Variants in ZNF780B observed in about 807,000 individuals in gnomAD.
The protein encoded by ZNF780B is zinc finger protein 780B, also known as zinc finger protein 779.
ZNF780B carries 52 observed loss-of-function variants against 74.1 expected under a neutral mutation model. That is an observed-to-expected ratio of 0.70 (90% CI 0.56 to 0.88). The LOEUF is 0.88. Ranked by LOEUF, ZNF780B falls within the 40% of genes least tolerant of loss-of-function variation. ZNF780B has a pLI of 0.00. For synonymous variants in ZNF780B, 315 were observed against 324.3 expected (o/e 0.97, Z 0.31); for missense variants, 953 against 1,007.6 (o/e 0.95, Z 0.73).
chr19:40,039,578 T>G (rs1398808268), intron 4 of ZNF780B, among the ~76,000 whole-genome samples: 1 of 151,564 alleles, frequency 6.6e-6, no homozygotes, highest in African/African-American at 2.4e-5. Flanking sequence ...TGTATCCTCT[T>G]TTATTTCCTT....
At chr19:40,037,894 TTATATA>T (rs1317541559) in intron 4 of ZNF780B, among the ~76,000 whole-genome samples, 1 of 149,534 alleles carries the variant, frequency 6.7e-6, no homozygotes, top group Non-Finnish European at 1.5e-5. Context: ...TTTTTTCTGT[TTATATA>T]TATATATTTT....
chr19:40,053,034 A>T (rs1297769446), intron 1 of ZNF780B, among the ~76,000 whole-genome samples: 1 of 151,870 alleles, frequency 6.6e-6, no homozygotes, highest in Non-Finnish European at 1.5e-5. Context: ...CTGGGCAATA[A>T]TTTTTTTTTC....
chr19:40,050,325 T>C lies in ZNF780B; in HGVS notation c.8A>G (p.His3Arg). The C allele has an allele frequency of 1.3e-6, 2 of 1,596,428 alleles. No homozygotes were observed. The highest frequency in any genetic ancestry group is 1.7e-6 in the Non-Finnish European group (2 of 1,177,824). MVHGSVTFRDVAI... is the reference protein window; with the variant it reads MVRGSVTFRDVAI... ...AAGAAGACAGAAACACCAACTTACATGGACCATGTTTCTAGAATTACAAAA... is the reference window on the plus strand; with the variant it reads ...AAGAAGACAGAAACACCAACTTACACGGACCATGTTTCTAGAATTACAAAA... Residue 3 changes from histidine to arginine, a missense_variant and splice_region_variant, in exon 2 of 5, where the codon CAT becomes CGT. By Grantham distance (29) the His-to-Arg change is conservative. Transcript: ENST00000434248.
At position 40,035,562 on chromosome 19, in the gene ZNF780B, T is replaced by A; in HGVS notation, c.1297A>T (p.Ile433Phe). Reference sequence around the variant, plus strand: ...TTGGAATGAATTTTTTGATGCTGAATAAGATTTGCACCACGATTAAAGCCT... The same window carrying A: ...TTGGAATGAATTTTTTGATGCTGAAAAAGATTTGCACCACGATTAAAGCCT... ...GKGFNRGANL[I>F]QHQKIHSNEK... Residue 433 changes from isoleucine to phenylalanine, a missense_variant, in exon 5 of 5, where the codon ATT becomes TTT. Coordinates refer to ENST00000434248, the MANE Select transcript of ZNF780B (RefSeq NM_001005851.3). 6.2e-7 allele frequency: 1 copy of A among 1,611,604 alleles called. No homozygotes were observed. Among genetic ancestry groups the A allele is most frequent in the South Asian group, 1.1e-5 (1 of 90,912 alleles).
chr19:40,041,409 A>C (rs1473463161), intron 4 of ZNF780B, among the ~76,000 whole-genome samples: 1 of 152,168 alleles, frequency 6.6e-6, no homozygotes, highest in Admixed American at 6.6e-5. Context: ...AGTTCTGTAG[A>C]TATCTATTAG....
At chr19:40,050,404 C>G (rs920726558) in intron 1 of ZNF780B, 27 bp from the exon 2 acceptor site, 64 of 1,551,930 alleles carry the variant, frequency 4.1e-5, no homozygotes, top group Non-Finnish European at 5.5e-5. Context: ...ACAAAAAGGC[C>G]CTAAGTCAAG....
chr19:40,040,001 G>T (rs1184505243), intron 4 of ZNF780B, among the ~76,000 whole-genome samples: 1 of 151,990 alleles, frequency 6.6e-6, no homozygotes, highest in African/African-American at 2.4e-5. Context: ...TTTTCAAAGG[G>T]AATGCTTCCA....
At chr19:40,042,650 T>C (rs943892064) in intron 4 of ZNF780B, among the ~76,000 whole-genome samples, 1 of 152,192 alleles carries the variant, frequency 6.6e-6, no homozygotes, top group Non-Finnish European at 1.5e-5. Context: ...ATTTCATTCA[T>C]TTTGTCTTCC....
intron 4 of ZNF780B, among the ~76,000 whole-genome samples, chr19:40,039,386 G>C (rs1362022556): frequency 1.3e-5 from 2 of 152,150 alleles, no homozygotes; most frequent in African/African-American, 4.8e-5. Context: ...GATTGACTTG[G>C]TGATGCGGGC....
intron 1 of ZNF780B, chr19:40,055,416 CCTTGA>C (rs1285053963): frequency 4.6e-5 from 7 of 152,078 alleles, no homozygotes; most frequent in Admixed American, 1.3e-4. Flanking sequence ...ACAAACTCAC[CCTTGA>C]CTTAAGTGTG....
chr19:40,028,732 T>C lies in ZNF780B; in HGVS notation c.*5625A>G, dbSNP rs923013015. 1 of 152,166 alleles carries C rather than the reference T, an allele frequency of 6.6e-6. No individual in the cohort carries two copies. Among genetic ancestry groups the C allele is most frequent in the Admixed American group, 6.5e-5 (1 of 15,288 alleles). 9.4% of individuals were successfully genotyped at this position (152,166 alleles called of 1,614,324 possible). ...CTGTGGCCTTGCTCTAAACCAATCA[T>C]GAATTTTACCATTCTGGCATCAGAA... is the stretch of plus-strand genomic sequence containing the variant. On this transcript the variant is annotated 3_prime_UTR_variant, in exon 5 of 5. Coordinates refer to ENST00000434248, the MANE Select transcript of ZNF780B (RefSeq NM_001005851.3).
chr19:40,046,935 C>T (rs1024011563), intron 4 of ZNF780B, among the ~76,000 whole-genome samples: 1 of 152,146 alleles, frequency 6.6e-6, no homozygotes, highest in African/African-American at 2.4e-5. Context: ...ATCCAAAATA[C>T]GTGTTAAAAG....
intron 4 of ZNF780B, among the ~76,000 whole-genome samples, chr19:40,041,583 G>C (rs1016824455): frequency 2.0e-5 from 3 of 152,094 alleles, no homozygotes; most frequent in African/African-American, 7.2e-5. Flanking sequence ...TATGAATCTG[G>C]GTGCTCCTGT....
In ZNF780B at chr19:40,034,488, T is replaced by C. The variant is rs369564568; in HGVS notation, c.2371A>G (p.Arg791Gly). 1.9e-4 allele frequency: 306 copies of C among 1,613,854 alleles called. No individual in the cohort carries two copies. Among genetic ancestry groups the C allele is most frequent in the Non-Finnish European group, 2.4e-4 (284 of 1,179,962 alleles). Reference protein sequence around the residue: ...YECKECGKAFRLHLQLSLHQK... With the variant: ...YECKECGKAFGLHLQLSLHQK... ...TGCAGAGAAAGTTGTAGGTGAAGTC[T>C]AAAAGCCTTCCCACACTCCTTACAT... Residue 791 changes from arginine to glycine, a missense_variant, in exon 5 of 5, where the codon AGA becomes GGA. Physicochemically the swap from Arg to Gly is moderately radical, Grantham distance 125. Coordinates refer to ENST00000434248, the MANE Select transcript of ZNF780B (RefSeq NM_001005851.3).
At chr19:40,041,625 G>A (rs186800) in intron 4 of ZNF780B, among the ~76,000 whole-genome samples, 4 of 148,738 alleles carry the variant, frequency 2.7e-5, no homozygotes, top group Non-Finnish European at 4.5e-5. Context: ...GATAGTTAGC[G>A]CTTCTTGTTG....
intron 4 of ZNF780B, among the ~76,000 whole-genome samples, chr19:40,042,050 G>T (rs1440980541): frequency 6.6e-6 from 1 of 152,160 alleles, no homozygotes; most frequent in Non-Finnish European, 1.5e-5. Flanking sequence ...GGCACCGGTT[G>T]TTCCTTTCCA....
intron 4 of ZNF780B, among the ~76,000 whole-genome samples, chr19:40,039,469 G>T (rs1972524114): frequency 6.6e-6 from 1 of 151,962 alleles, no homozygotes; most frequent in Non-Finnish European, 1.5e-5. Flanking sequence ...GTAGCTTGAT[G>T]GGGATGGCAT....
At position 40,034,995 on chromosome 19, in the gene ZNF780B, A is replaced by T; in HGVS notation, c.1864T>A (p.Phe622Ile). The T allele has an allele frequency of 6.2e-7, 1 of 1,614,092 alleles. No homozygotes were observed. Among genetic ancestry groups the T allele is most frequent in the Non-Finnish European group, 8.5e-7 (1 of 1,179,990 alleles). Reference sequence around the variant, plus strand: ...TGATTAAGCTGGGTGTGAAGACTGAAGGCCTTGCCACATTCCTTACATTCA... The same window carrying T: ...TGATTAAGCTGGGTGTGAAGACTGATGGCCTTGCCACATTCCTTACATTCA... ...PFECKECGKA[F>I]SLHTQLNHHK... is the part of the protein sequence containing the mutation. The change falls in exon 5 of 5, where the codon TTC becomes ATC. Residue 622 changes from phenylalanine to isoleucine, a missense_variant. Coordinates refer to ENST00000434248, the MANE Select transcript of ZNF780B (RefSeq NM_001005851.3).
chr19:40,047,707 A>C (rs1179773330), intron 3 of ZNF780B, among the ~76,000 whole-genome samples: 1 of 152,058 alleles, frequency 6.6e-6, no homozygotes, highest in Non-Finnish European at 1.5e-5. Context: ...GGTTAACAGC[A>C]GGAAACTTCA....
Sources: allele counts gnomAD v4.1 joint callset (sites outside exome capture counted in the v4.1 genomes callset), GRCh38; gene constraint gnomAD v4.1.1; transcripts MANE v1.5; gene names NCBI Gene and HGNC (gene_info 2026-07-23, HGNC 2026-07-21).